Variants in NAALADL1 observed in about 807,000 individuals in gnomAD.
NAALADL1 encodes N-acetylated alpha-linked acidic dipeptidase like 1, also known as aminopeptidase NAALADL1.
In NAALADL1, 77 loss-of-function variants were observed where a neutral mutation model predicts 82.8. The observed-to-expected ratio is 0.93, with a 90% CI of 0.77 to 1.12. The LOEUF (loss-of-function observed/expected upper bound fraction) is 1.12. Ranked by LOEUF, NAALADL1 falls within the 50% of genes most tolerant of loss-of-function variation. The probability of loss-of-function intolerance (pLI) is 0.00; values close to 1 mark genes in which losing one functional copy is unlikely to be tolerated. For synonymous variants in NAALADL1, 358 were observed against 399.2 expected (o/e 0.90, Z 1.23); for missense variants, 956 against 964.0 (o/e 0.99, Z 0.11).
intron 8 of NAALADL1, chr11:65,048,597 TTCTACCAGAATG>T: frequency 1.7e-6 from 1 of 590,776 alleles, no homozygotes; most frequent in Non-Finnish European, 3.0e-6. Flanking sequence ...GGGTGGTCCC[TTCTACCAGAATG>T]CCTACTGCCC....
intron 4 of NAALADL1, 83 bp downstream of exon 4, chr11:65,057,288 C>G: frequency 6.7e-7 from 1 of 1,501,736 alleles, no homozygotes; most frequent in Non-Finnish European, 8.9e-7. Context: ...GCCTCTTCTC[C>G]TTCCCCTTCC....
At chr11:65,047,910 C>CCCCCA in intron 11 of NAALADL1, 71 bp downstream of exon 11, 3 of 1,358,280 alleles carry the variant, frequency 2.2e-6, no homozygotes, top group African/African-American at 1.5e-5. Flanking sequence ...CCCGCCCACC[C>CCCCCA]GTAGCGGCCC....
intron 17 of NAALADL1, 174 bp from the exon 18 acceptor site, chr11:65,045,631 T>A: frequency 1.1e-6 from 1 of 880,228 alleles, no homozygotes; most frequent in Admixed American, 2.9e-5. Flanking sequence ...GGAGGAAATG[T>A]GGGTTCCAGT....
chr11:65,057,811 G>T (rs1947083709), intron 3 of NAALADL1, 64 bp downstream of exon 3: 3 of 1,599,714 alleles, frequency 1.9e-6, no homozygotes, highest in South Asian at 1.1e-5. Context: ...GGGTCAGGGT[G>T]GGGAGAACCC....
Position 65,046,266 on chromosome 11 carries a change from C to A in NAALADL1, c.1778G>T (p.Ser593Ile). 6.2e-7 allele frequency: 1 copy of A among 1,614,184 alleles called. No homozygotes were observed. Among genetic ancestry groups the A allele is most frequent in the South Asian group, 1.1e-5 (1 of 91,088 alleles). The change falls in exon 15 of 18, where the codon AGT (serine) becomes ATT (isoleucine). Residue 593 changes from serine (S) to isoleucine (I), a missense_variant. Physicochemically the swap from Ser to Ile is moderately radical, Grantham distance 142. Transcript: ENST00000358658. ...FFLPLKVSDY[S>I]ETLRSFLQAA... The stretch of plus-strand genomic sequence containing the variant: ...CTGCAGGAAGCTGCGGAGTGTCTCA[C>A]TGTAGTCACTGACTTTGAGGGGCAG...
upstream of NAALADL1, among the ~76,000 whole-genome samples, chr11:65,059,363 T>A (rs972523936): frequency 6.6e-6 from 1 of 152,212 alleles, no homozygotes; most frequent in Non-Finnish European, 1.5e-5. Context: ...GCTAGTGCAG[T>A]GTCTGACATG....
At position 65,057,315 on chromosome 11, in the gene NAALADL1, C is replaced by T; in HGVS notation, c.603+56G>A. The T allele has an allele frequency of 3.2e-6, 5 of 1,539,930 alleles. No homozygotes were observed. In the South Asian group the frequency reaches 6.3e-5, roughly 19 times the overall value. On this transcript the variant is annotated intron_variant, in intron 4 of 17. Transcript: ENST00000358658. ...TCCCCTTCCCCTCACTTCCTCCAGT[C>T]CACTGCCCAGCCCCTTCCTCACCGA...
At chr11:65,056,237 A>G (rs908099465) in intron 4 of NAALADL1, among the ~76,000 whole-genome samples, 3 of 152,156 alleles carry the variant, frequency 2.0e-5, no homozygotes, top group African/African-American at 7.2e-5. Flanking sequence ...TAGCATGTGG[A>G]GTATGCAGTT....
intron 4 of NAALADL1, among the ~76,000 whole-genome samples, 162 bp downstream of exon 4, chr11:65,057,209 T>C (rs554196609): frequency 6.6e-6 from 1 of 152,304 alleles, no homozygotes; most frequent in African/African-American, 2.4e-5. Context: ...CACAGCCCAT[T>C]GGTGGGACAA....
In NAALADL1 at chr11:65,047,482, T is replaced by C. The variant is rs199829595; in HGVS notation, c.1592A>G (p.Tyr531Cys). 2.6e-6 allele frequency: 4 copies of C among 1,562,538 alleles called. No homozygotes were observed. The highest frequency in any genetic ancestry group is 3.8e-5 in the Admixed American group (2 of 52,336). The change falls in exon 13 of 18, where the codon TAT becomes TGT. Residue 531 changes from tyrosine to cysteine, a missense_variant. Transcript: ENST00000358658. ...GGAGGGGCGCCTGCTCACCCGGTCA[T>C]AGGTATAGGCAATGTCCATGGAGGA... ...GISSMDIAYT[Y>C]DRSKTSARIY...
At chr11:65,047,348 T>A (rs1047372863) in intron 13 of NAALADL1, 127 bp downstream of exon 13, 4 of 764,240 alleles carry the variant, frequency 5.2e-6, no homozygotes, top group African/African-American at 1.8e-5. Context: ...TGTTTTTTTT[T>A]AAGAAACTTG....
rs1946690154 is a variant in NAALADL1, at chr11:65,045,245, GGAGGGCTGAAGAAA to G, written c.*12_*25del. ...CAGGCAGGAGAGGGTTGGAGTAAAGGGAGGGCTGAAGAAAGAGGGCTGGGGTCAGAGGTCAGCCA... is the reference window on the plus strand; with the variant it reads ...CAGGCAGGAGAGGGTTGGAGTAAAGGGAGGGCTGGGGTCAGAGGTCAGCCA... On this transcript the variant is annotated 3_prime_UTR_variant, in exon 18 of 18. Transcript: ENST00000358658. The G allele has an allele frequency of 1.9e-6, 3 of 1,600,076 alleles. No homozygotes were observed. Among genetic ancestry groups the G allele is most frequent in the African/African-American group, 1.3e-5 (1 of 74,754 alleles).
Position 65,045,028 on chromosome 11 carries a change from TTGG to T in NAALADL1, c.*240_*242del, listed in dbSNP as rs1179213486. On this transcript the variant is annotated 3_prime_UTR_variant, in exon 18 of 18. Coordinates refer to ENST00000358658, the MANE Select transcript of NAALADL1 (RefSeq NM_005468.3). ...TCCACCCACCTGCCACCAAGGGCAG[TTGG>T]TGGTTTTGCCATCCCATCCCTGTCC... The T allele has an allele frequency of 5.0e-6, 3 of 605,780 alleles. No individual in the cohort carries two copies. Among genetic ancestry groups the T allele is most frequent in the African/African-American group, 1.9e-5 (1 of 53,962 alleles). The allele number at this position is 605,780 out of a possible 1,614,324, so 37.5% of individuals were successfully genotyped here. A position where few individuals can be genotyped will look rare whatever the true frequency, so the allele number is the denominator to read the frequency against.
intron 17 of NAALADL1, 110 bp downstream of exon 17, chr11:65,045,712 G>T: frequency 9.0e-7 from 1 of 1,108,568 alleles, no homozygotes; most frequent in Non-Finnish European, 1.3e-6. Context: ...TCTTCTTCAG[G>T]GGCTGGGTTG....
intron 4 of NAALADL1, among the ~76,000 whole-genome samples, chr11:65,055,352 G>A (rs1451570750): frequency 6.6e-6 from 1 of 152,162 alleles, no homozygotes. Flanking sequence ...CACGAGAATC[G>A]CCTGAACCTG....
intron 11 of NAALADL1, 64 bp downstream of exon 11, chr11:65,047,915 CGG>C: frequency 8.5e-7 from 1 of 1,175,970 alleles, no homozygotes; most frequent in Non-Finnish European, 1.2e-6. Context: ...CCACCCGTAG[CGG>C]CCCCGTCCGC....
intron 3 of NAALADL1, 133 bp downstream of exon 3, chr11:65,057,737 GATGGA>G: frequency 7.3e-7 from 1 of 1,361,240 alleles, no homozygotes; most frequent in South Asian, 1.3e-5. Flanking sequence ...AAGGAGCAGC[GATGGA>G]GTGTCCCGGT....
chr11:65,055,258 GAAACCTT>G (rs1451687003), intron 4 of NAALADL1, among the ~76,000 whole-genome samples: 6 of 152,172 alleles, frequency 3.9e-5, no homozygotes, highest in Admixed American at 2.6e-4. Context: ...CCAACATGGT[GAAACCTT>G]GTCTCTACTA....
At chr11:65,057,017 C>T (rs538873805) in intron 4 of NAALADL1, among the ~76,000 whole-genome samples, 2 of 152,318 alleles carry the variant, frequency 1.3e-5, no homozygotes, top group East Asian at 3.9e-4. Flanking sequence ...GCGCCCGGCC[C>T]CTAGTCAGAA....
Sources: allele counts gnomAD v4.1 joint callset (sites outside exome capture counted in the v4.1 genomes callset), GRCh38; gene constraint gnomAD v4.1.1; transcripts MANE v1.5; gene names NCBI Gene and HGNC (gene_info 2026-07-23, HGNC 2026-07-21).